The following BMPER variants were observed in gnomAD, a reference collection of about 807,000 sequenced individuals.
BMPER encodes the protein BMP binding endothelial regulator, also known as BMP-binding endothelial regulator protein.
BMPER carries 45 observed loss-of-function variants against 87.3 expected under a neutral mutation model. The observed-to-expected ratio is 0.52, with a 90% CI of 0.41 to 0.66. The LOEUF (loss-of-function observed/expected upper bound fraction) is 0.66, where lower values mean the gene tolerates loss of function less well. Among genes scored for constraint, BMPER ranks in the 30% least tolerant of loss-of-function variants. BMPER has a pLI of 0.00. For synonymous variants in BMPER, 326 were observed against 316.2 expected, an observed-to-expected ratio of 1.03 and a Z score of -0.33; for missense variants, 784 against 867.5, an observed-to-expected ratio of 0.90 and a Z score of 1.21.
chr7:34,034,303 A>G (rs1291238778), intron 6 of BMPER, among the ~76,000 whole-genome samples: 1 of 152,206 alleles, frequency 6.6e-6, no homozygotes, highest in Non-Finnish European at 1.5e-5. Flanking sequence ...GATTTGTGCT[A>G]TACTGCCAAA....
chr7:34,010,705 A>C (rs774190556), intron 6 of BMPER, among the ~76,000 whole-genome samples: 3 of 151,940 alleles, frequency 2.0e-5, no homozygotes, highest in Non-Finnish European at 4.4e-5. Flanking sequence ...TGAGTTTCGT[A>C]ATGTAACTAC....
chr7:33,935,320 A>G (rs374666271), intron 2 of BMPER, among the ~76,000 whole-genome samples: 153 of 150,586 alleles, frequency 1.0e-3, no homozygotes, highest in African/African-American at 3.6e-3. Context: ...CCACAGAAAT[A>G]CTCTCCCCTG....
At chr7:33,994,283 G>T (rs368750917) in intron 6 of BMPER, among the ~76,000 whole-genome samples, 1 of 152,206 alleles carries the variant, frequency 6.6e-6, no homozygotes, top group Non-Finnish European at 1.5e-5. Context: ...CTCCGTGGGC[G>T]TAGGACCCTC....
At chr7:33,994,498 C>A (rs1280376214) in intron 6 of BMPER, among the ~76,000 whole-genome samples, 1 of 152,202 alleles carries the variant, frequency 6.6e-6, no homozygotes, top group East Asian at 1.9e-4. Flanking sequence ...GTGCGCACAC[C>A]CACTGACCTG....
intron 13 of BMPER, among the ~76,000 whole-genome samples, chr7:34,129,514 G>A (rs977895740): frequency 6.7e-6 from 1 of 149,936 alleles, no homozygotes; most frequent in Non-Finnish European, 1.5e-5. Flanking sequence ...CACAGCTTAG[G>A]CGACAGAGCG....
intron 13 of BMPER, among the ~76,000 whole-genome samples, chr7:34,124,735 G>T (rs1790355719): frequency 6.6e-6 from 1 of 151,176 alleles, no homozygotes. Context: ...TCCTTTTTTT[G>T]AATTTACAGA....
intron 13 of BMPER, among the ~76,000 whole-genome samples, chr7:34,125,664 A>G (rs1003499080): frequency 1.1e-4 from 17 of 152,338 alleles, no homozygotes; most frequent in African/African-American, 4.1e-4. Context: ...TCCCAGCATG[A>G]CAGAGAGAAA....
intron 13 of BMPER, among the ~76,000 whole-genome samples, chr7:34,129,332 CT>C (rs1184908064): frequency 6.6e-6 from 1 of 151,884 alleles, no homozygotes; most frequent in Non-Finnish European, 1.5e-5. Context: ...GAAATCCCAT[CT>C]GTACTAAAAA....
chr7:34,128,109 T>C (rs1790450629), intron 13 of BMPER, among the ~76,000 whole-genome samples: 1 of 152,222 alleles, frequency 6.6e-6, no homozygotes, highest in African/African-American at 2.4e-5. Context: ...CCCTTCTTGA[T>C]GTTCTTGGGT....
At position 33,954,599 on chromosome 7, in the gene BMPER, C is replaced by T. The variant is rs559427530; in HGVS notation, c.320-11880C>T. On this transcript the variant is annotated intron_variant, in intron 3 of 14. Coordinates refer to ENST00000649409, the MANE Select transcript of BMPER (RefSeq NM_001365308.1). Reference sequence around the variant, plus strand: ...ACTACAAGCCAGGTGCTTGATACTTCTCTTCTTTTTAACCAGAGTTACTAA... The same window carrying T: ...ACTACAAGCCAGGTGCTTGATACTTTTCTTCTTTTTAACCAGAGTTACTAA... Among the ~76,000 whole-genome samples, 3 of 152,320 alleles carry T rather than the reference C, an allele frequency of 2.0e-5. No homozygotes were observed. The East Asian group carries it at 5.8e-4, about 29-fold the overall frequency.
At chr7:34,016,416 A>T (rs1172762607) in intron 6 of BMPER, among the ~76,000 whole-genome samples, 1 of 151,938 alleles carries the variant, frequency 6.6e-6, no homozygotes, top group Non-Finnish European at 1.5e-5. Flanking sequence ...TCTAAAGCAA[A>T]TGGTTGAACT....
At chr7:34,128,805 T>C (rs1223624218) in intron 13 of BMPER, among the ~76,000 whole-genome samples, 2 of 152,180 alleles carry the variant, frequency 1.3e-5, no homozygotes. Context: ...TGTCATTGTC[T>C]ATCACAGGAA....
intron 4 of BMPER, among the ~76,000 whole-genome samples, chr7:33,966,890 T>G (rs1244773204): frequency 6.6e-6 from 1 of 152,244 alleles, no homozygotes; most frequent in Non-Finnish European, 1.5e-5. Flanking sequence ...AAAACATGAA[T>G]TCCTCTTAGC....
At chr7:33,934,741 G>C (rs569819018) in intron 2 of BMPER, among the ~76,000 whole-genome samples, 1 of 152,298 alleles carries the variant, frequency 6.6e-6, no homozygotes, top group Non-Finnish European at 1.5e-5. Context: ...TGACTGCCCT[G>C]AGAGCTTTGA....
intron 6 of BMPER, among the ~76,000 whole-genome samples, chr7:33,987,676 T>C (rs970076199): frequency 7.1e-6 from 1 of 141,732 alleles, no homozygotes; most frequent in African/African-American, 2.5e-5. Context: ...ATCCTACTAC[T>C]TTTTTTTTTT....
chr7:33,988,923 T>C (rs946536893), intron 6 of BMPER, among the ~76,000 whole-genome samples: 3 of 132,214 alleles, frequency 2.3e-5, no homozygotes, highest in Non-Finnish European at 4.8e-5. Flanking sequence ...ATTTCATCCA[T>C]GTCCCTACAA....
At chr7:34,067,522 C>T (rs529473058) in intron 11 of BMPER, among the ~76,000 whole-genome samples, 4 of 152,118 alleles carry the variant, frequency 2.6e-5, no homozygotes, top group Non-Finnish European at 5.9e-5. Flanking sequence ...TAAGCAACTC[C>T]AGGTCCCTTA....
At chr7:34,013,081 G>C (rs1157258720) in intron 6 of BMPER, among the ~76,000 whole-genome samples, 1 of 151,752 alleles carries the variant, frequency 6.6e-6, no homozygotes, top group Non-Finnish European at 1.5e-5. Flanking sequence ...TCTAAAACTT[G>C]CACGCAGAAC....
At chr7:33,953,169 T>TACC (rs1219341660) in intron 3 of BMPER, among the ~76,000 whole-genome samples, 1 of 152,216 alleles carries the variant, frequency 6.6e-6, no homozygotes, top group African/African-American at 2.4e-5. Flanking sequence ...CATGGCCACC[T>TACC]TGATGAGGCT....
Sources: allele counts gnomAD v4.1 joint callset (sites outside exome capture counted in the v4.1 genomes callset), GRCh38; gene constraint gnomAD v4.1.1; transcripts MANE v1.5; gene names NCBI Gene and HGNC (gene_info 2026-07-23, HGNC 2026-07-21).